CSMD1: variants seen among roughly 807,000 people sequenced by gnomAD.
CSMD1 encodes CUB and sushi domain-containing protein 1.
Under a neutral mutation model 417.5 loss-of-function variants are expected in CSMD1, and 213 were observed. The observed-to-expected ratio is 0.51, with a 90% CI of 0.46 to 0.57. CSMD1 has a LOEUF of 0.57. Among genes scored for constraint, CSMD1 ranks in the 20% least tolerant of loss-of-function variants. The pLI, the probability that CSMD1 is intolerant of heterozygous loss-of-function variation, is 0.00. For missense variants in CSMD1, 6,923 were observed against 4,529.7 expected, an observed-to-expected ratio of 1.53 and a Z score of -15.17; for synonymous variants, 2,862 against 1,736.8, an observed-to-expected ratio of 1.65 and a Z score of -16.11.
chr8:4,551,695 C>T (rs926116741), intron 2 of CSMD1, among the ~76,000 whole-genome samples: 2 of 151,972 alleles, frequency 1.3e-5, no homozygotes, highest in Non-Finnish European at 2.9e-5. Context: ...TTTTTTGAGA[C>T]AGGGTCTTGC....
chr8:4,379,750 A>G (rs2128917955), intron 3 of CSMD1, among the ~76,000 whole-genome samples: 1 of 152,256 alleles, frequency 6.6e-6, no homozygotes, highest in South Asian at 2.1e-4. Context: ...ATGATAAATG[A>G]GAAAAATCTA....
At chr8:3,807,569 A>C (rs1326370979) in intron 5 of CSMD1, among the ~76,000 whole-genome samples, 1 of 152,214 alleles carries the variant, frequency 6.6e-6, no homozygotes, top group Non-Finnish European at 1.5e-5. Flanking sequence ...CATTTTAATA[A>C]CAGACTTACA....
chr8:3,220,153 A>AAAAAAAAAAT, intron 28 of CSMD1, among the ~76,000 whole-genome samples: 1 of 151,536 alleles, frequency 6.6e-6, no homozygotes, highest in Non-Finnish European at 1.5e-5. Context: ...ACCCTGTCAA[A>AAAAAAAAAAT]AAAAAAAAAA....
At chr8:4,948,230 T>C (rs1443518060) in intron 1 of CSMD1, among the ~76,000 whole-genome samples, 1 of 152,096 alleles carries the variant, frequency 6.6e-6, no homozygotes, top group Non-Finnish European at 1.5e-5. Context: ...AGGTATCAAA[T>C]AGTATCAAGG....
At chr8:3,900,951 A>G (rs1285895390) in intron 5 of CSMD1, among the ~76,000 whole-genome samples, 1 of 152,250 alleles carries the variant, frequency 6.6e-6, no homozygotes, top group Non-Finnish European at 1.5e-5. Flanking sequence ...GAAGGTCTAT[A>G]AAGGACAGAA....
chr8:4,516,309 C>G (rs1021757795), intron 2 of CSMD1, among the ~76,000 whole-genome samples: 1 of 152,140 alleles, frequency 6.6e-6, no homozygotes, highest in African/African-American at 2.4e-5. Context: ...TGATCTTGGA[C>G]TTCTCGATTC....
intron 1 of CSMD1, among the ~76,000 whole-genome samples, chr8:4,655,048 A>AT (rs1804140816): frequency 1.3e-5 from 2 of 151,336 alleles, no homozygotes; most frequent in African/African-American, 4.9e-5. Context: ...AAAAAAAAAA[A>AT]GCTTAAATCT....
chr8:4,213,515 G>A (rs996302191), intron 3 of CSMD1, among the ~76,000 whole-genome samples: 3 of 152,196 alleles, frequency 2.0e-5, no homozygotes, highest in African/African-American at 7.2e-5. Context: ...ATTTGGTGGT[G>A]CGTTAATGTA....
At chr8:3,514,007 T>C (rs1486125741) in intron 10 of CSMD1, among the ~76,000 whole-genome samples, 1 of 152,192 alleles carries the variant, frequency 6.6e-6, no homozygotes, top group Non-Finnish European at 1.5e-5. Context: ...CTTCTTTTTA[T>C]CGTACAGAAA....
intron 3 of CSMD1, among the ~76,000 whole-genome samples, chr8:4,093,143 C>CGACT (rs1446159311): frequency 1.3e-5 from 2 of 152,098 alleles, no homozygotes; most frequent in African/African-American, 4.8e-5. Context: ...TTATACAAGT[C>CGACT]ATATTGACTG....
At chr8:4,370,381 T>C (rs1802327578) in intron 3 of CSMD1, among the ~76,000 whole-genome samples, 1 of 152,168 alleles carries the variant, frequency 6.6e-6, no homozygotes, top group Non-Finnish European at 1.5e-5. Flanking sequence ...GATTTTTTCT[T>C]TCTCACAGAC....
rs1172498036 is a variant in CSMD1 at position 3,031,350 on chromosome 8, A to G, written c.7661-1837T>C. On this transcript the variant is annotated intron_variant, in intron 50 of 69. Coordinates refer to ENST00000635120, the MANE Select transcript of CSMD1 (RefSeq NM_033225.6). ...GAGGGTGGAGGGCTAGCACTAGGAGATATACCTAATGCTAAATGATGAGTT... is the reference window on the plus strand; with the variant it reads ...GAGGGTGGAGGGCTAGCACTAGGAGGTATACCTAATGCTAAATGATGAGTT... 4.0e-5 allele frequency among the ~76,000 whole-genome samples: 6 copies of G among 151,578 alleles called. No homozygotes were observed. The East Asian group carries it at 1.2e-3, about 29-fold the overall frequency.
chr8:3,706,083 C>T (rs1801150464), intron 7 of CSMD1, among the ~76,000 whole-genome samples: 1 of 152,226 alleles, frequency 6.6e-6, no homozygotes, highest in African/African-American at 2.4e-5. Flanking sequence ...TGGAACGTGG[C>T]CTGGCCTGTG....
chr8:2,993,504 G>C (rs928167097), intron 54 of CSMD1, among the ~76,000 whole-genome samples: 2 of 152,160 alleles, frequency 1.3e-5, no homozygotes, highest in African/African-American at 4.8e-5. Context: ...GCGTCTCCCA[G>C]ATGCCAACTG....
chr8:3,374,644 G>C (rs1289142746), intron 18 of CSMD1, among the ~76,000 whole-genome samples: 1 of 152,128 alleles, frequency 6.6e-6, no homozygotes, highest in African/African-American at 2.4e-5. Context: ...TGGAGTAAGT[G>C]ATACAAGGTC....
chr8:4,170,062 T>G lies in CSMD1; in HGVS notation c.416-137963A>C, dbSNP rs116927064. On this transcript the variant is annotated intron_variant, in intron 3 of 69. Coordinates refer to ENST00000635120, the MANE Select transcript of CSMD1 (RefSeq NM_033225.6). ...TATTTGAATACTCAAAACCTCTAGGTAAGGAATTGTGGGTGAGTCAAAGAT... is the reference window on the plus strand; with the variant it reads ...TATTTGAATACTCAAAACCTCTAGGGAAGGAATTGTGGGTGAGTCAAAGAT... 1.8e-4 allele frequency among the ~76,000 whole-genome samples: 27 copies of G among 151,934 alleles called. No individual in the cohort carries two copies. The East Asian group carries it at 5.2e-3, about 29-fold the overall frequency.
At chr8:3,143,705 G>C (rs1381747948) in intron 40 of CSMD1, among the ~76,000 whole-genome samples, 1 of 152,130 alleles carries the variant, frequency 6.6e-6, no homozygotes, top group Admixed American at 6.5e-5. Flanking sequence ...CAGTATAAAA[G>C]AAAGCTTTAC....
chr8:4,328,921 G>T (rs1799708754), intron 3 of CSMD1, among the ~76,000 whole-genome samples: 1 of 152,170 alleles, frequency 6.6e-6, no homozygotes, highest in South Asian at 2.1e-4. Flanking sequence ...TGTGTTGTTT[G>T]CATTCGCTGT....
intron 1 of CSMD1, among the ~76,000 whole-genome samples, chr8:4,835,677 T>G (rs1326518838): frequency 2.0e-5 from 3 of 152,196 alleles, no homozygotes; most frequent in African/African-American, 7.2e-5. Flanking sequence ...AACATTTTTC[T>G]TTTATTTGCC....
Sources: allele counts gnomAD v4.1 joint callset (sites outside exome capture counted in the v4.1 genomes callset), GRCh38; gene constraint gnomAD v4.1.1; transcripts MANE v1.5; gene names NCBI Gene and HGNC (gene_info 2026-07-23, HGNC 2026-07-21).